RFTN2: variants seen among roughly 807,000 people sequenced by gnomAD.
RFTN2 encodes raftlin-2.
A neutral mutation model predicts 52.7 loss-of-function variants in RFTN2; 34 were observed. That is an observed-to-expected ratio of 0.64 (90% CI 0.49 to 0.86). RFTN2 has a LOEUF of 0.86. RFTN2 is among the 40% of genes least tolerant of loss of function. The pLI, the probability that RFTN2 is intolerant of heterozygous loss-of-function variation, is 0.00. For synonymous variants in RFTN2, 203 were observed against 217.7 expected (o/e 0.93, Z 0.59); for missense variants, 536 against 600.1 (o/e 0.89, Z 1.12).
At chr2:197,575,792 T>G (rs978113859) in intron 8 of RFTN2, among the ~76,000 whole-genome samples, 1 of 141,480 alleles carries the variant, frequency 7.1e-6, no homozygotes, top group Non-Finnish European at 1.5e-5. Flanking sequence ...ATATAATATA[T>G]TATATATATT....
chr2:197,662,478 C>T (rs1347124711), intron 1 of RFTN2, among the ~76,000 whole-genome samples: 1 of 152,174 alleles, frequency 6.6e-6, no homozygotes, highest in African/African-American at 2.4e-5. Flanking sequence ...TTGGTCTATA[C>T]CAATACCATG....
chr2:197,586,003 C>T (rs2087590628), intron 8 of RFTN2, among the ~76,000 whole-genome samples: 1 of 152,176 alleles, frequency 6.6e-6, no homozygotes, highest in Non-Finnish European at 1.5e-5. Flanking sequence ...TCGTGATGTT[C>T]CTTCACTCTT....
chr2:197,600,790 T>C (rs899449146), intron 7 of RFTN2, among the ~76,000 whole-genome samples: 1 of 152,232 alleles, frequency 6.6e-6, no homozygotes, highest in Non-Finnish European at 1.5e-5. Flanking sequence ...AGTATCTTCC[T>C]GAGAGGGATT....
chr2:197,633,760 G>C lies in RFTN2; in HGVS notation c.676C>G (p.Gln226Glu). 6.2e-7 allele frequency: 1 copy of C among 1,613,670 alleles called. No homozygotes were observed. The highest frequency in any genetic ancestry group is 8.5e-7 in the Non-Finnish European group (1 of 1,179,760). ...TTAGAGGAAGTAGGGCTGCCATTTT[G>C]TTCCATTTGATACTGTCCACTTTCA... ...HHESGQYQME[Q>E]NGSPTSSKSR... The change falls in exon 4 of 9, where the codon CAA becomes GAA. Residue 226 changes from glutamine to glutamate, a missense_variant. Coordinates refer to ENST00000295049, the MANE Select transcript of RFTN2 (RefSeq NM_144629.3).
At chr2:197,599,097 A>G (rs756888801) in intron 7 of RFTN2, among the ~76,000 whole-genome samples, 6 of 151,698 alleles carry the variant, frequency 4.0e-5, no homozygotes, top group Admixed American at 1.3e-4. Context: ...GACTACAGGC[A>G]CCCACCACCA....
intron 5 of RFTN2, among the ~76,000 whole-genome samples, chr2:197,619,638 C>G (rs1434268260): frequency 6.7e-6 from 1 of 149,398 alleles, no homozygotes; most frequent in Non-Finnish European, 1.5e-5. Flanking sequence ...CTAGGAAAAC[C>G]AGAGACCTTT....
In RFTN2 at chr2:197,668,302, C is replaced by T. The variant is rs563244706; in HGVS notation, c.139+7018G>A. ...GTCCTCAGTCCTCTGATAGCATGAGCAGGCACCAGTCATGGTAGGCAGGAG... is the reference window on the plus strand; with the variant it reads ...GTCCTCAGTCCTCTGATAGCATGAGTAGGCACCAGTCATGGTAGGCAGGAG... On this transcript the variant is annotated intron_variant, in intron 1 of 8. Transcript: ENST00000295049. Among the ~76,000 whole-genome samples, 67 of 152,232 alleles carry T rather than the reference C, an allele frequency of 4.4e-4. 2 individuals carry two copies. The South Asian group carries it at 9.9e-3, about 23-fold the overall frequency.
At chr2:197,637,707 T>A (rs1157444949) in intron 3 of RFTN2, among the ~76,000 whole-genome samples, 1 of 150,682 alleles carries the variant, frequency 6.6e-6, no homozygotes, top group Admixed American at 6.6e-5. Flanking sequence ...ATTCATTAAT[T>A]TTTTGAAGGG....
intron 8 of RFTN2, among the ~76,000 whole-genome samples, chr2:197,578,427 C>T (rs980120807): frequency 3.3e-5 from 5 of 152,058 alleles, no homozygotes; most frequent in Non-Finnish European, 1.5e-5. Context: ...CCTCTGAGCC[C>T]AAGCCTGCAT....
At chr2:197,623,706 G>T (rs1324074774) in intron 5 of RFTN2, among the ~76,000 whole-genome samples, 1 of 151,580 alleles carries the variant, frequency 6.6e-6, no homozygotes. Context: ...TGCTTTGGTT[G>T]CCCAGGCTGG....
At chr2:197,604,198 C>A (rs910169437) in intron 7 of RFTN2, among the ~76,000 whole-genome samples, 1 of 152,188 alleles carries the variant, frequency 6.6e-6, no homozygotes, top group African/African-American at 2.4e-5. Flanking sequence ...TGGAAACAAT[C>A]TATTTGAAAA....
chr2:197,634,695 T>A (rs2088530845), intron 3 of RFTN2, among the ~76,000 whole-genome samples: 1 of 142,796 alleles, frequency 7.0e-6, no homozygotes, highest in Non-Finnish European at 1.5e-5. Context: ...ATTTTTTATT[T>A]TTTATTTTTT....
At position 197,675,449 on chromosome 2, in the gene RFTN2, C is replaced by G. The variant is rs772767119; in HGVS notation, c.10G>C (p.Gly4Arg). 13 of 1,578,852 alleles carry G rather than the reference C, an allele frequency of 8.2e-6. No homozygotes were observed. The highest frequency in any genetic ancestry group is 1.0e-5 in the Non-Finnish European group (12 of 1,163,940). Residue 4 changes from glycine (G) to arginine (R), a missense_variant, in exon 1 of 9, where the codon GGA (glycine) becomes CGA (arginine). By Grantham distance (125) the Gly-to-Arg change is moderately radical. Coordinates refer to ENST00000295049, the MANE Select transcript of RFTN2 (RefSeq NM_144629.3). MGC[G>R]LRKLEDPDDS... ...TCAGGGTCTTCTAGCTTTCTAAGTC[C>G]GCACCCCATGGCAAAATCTGTAAGG...
chr2:197,577,407 T>G (rs2087436591), intron 8 of RFTN2, among the ~76,000 whole-genome samples: 1 of 152,276 alleles, frequency 6.6e-6, no homozygotes, highest in Non-Finnish European at 1.5e-5. Context: ...ACCCTTGCAT[T>G]CATCAAATGC....
At chr2:197,600,842 A>C (rs1222188750) in intron 7 of RFTN2, among the ~76,000 whole-genome samples, 3 of 152,246 alleles carry the variant, frequency 2.0e-5, no homozygotes, top group Admixed American at 6.5e-5. Flanking sequence ...ATGGACAGTC[A>C]TGCTTTGATG....
intron 1 of RFTN2, among the ~76,000 whole-genome samples, chr2:197,649,084 C>T (rs1244929658): frequency 6.6e-6 from 1 of 152,064 alleles, no homozygotes. Context: ...ATAAAAAAGG[C>T]AAGCAATCAA....
intron 1 of RFTN2, among the ~76,000 whole-genome samples, chr2:197,655,410 A>AACAC (rs376657708): frequency 6.6e-6 from 1 of 151,884 alleles, no homozygotes; most frequent in Non-Finnish European, 1.5e-5. Flanking sequence ...TAATGCAAGA[A>AACAC]ACACACACAC....
chr2:197,601,431 T>C (rs1350656324), intron 7 of RFTN2, among the ~76,000 whole-genome samples: 1 of 152,214 alleles, frequency 6.6e-6, no homozygotes, highest in Non-Finnish European at 1.5e-5. Flanking sequence ...TTGTTTCTTA[T>C]GATAATCCTT....
intron 8 of RFTN2, among the ~76,000 whole-genome samples, chr2:197,595,599 T>TTA (rs2087781920): frequency 6.6e-6 from 1 of 152,172 alleles, no homozygotes; most frequent in Non-Finnish European, 1.5e-5. Context: ...TTAGTAAGGT[T>TTA]TGTTTTTGCA....
Sources: allele counts gnomAD v4.1 joint callset (sites outside exome capture counted in the v4.1 genomes callset), GRCh38; gene constraint gnomAD v4.1.1; transcripts MANE v1.5; gene names NCBI Gene and HGNC (gene_info 2026-07-23, HGNC 2026-07-21).